The following LECT2 variants were observed in gnomAD, a reference collection of about 807,000 sequenced individuals.
The protein encoded by LECT2 is leukocyte cell-derived chemotaxin-2.
Under a neutral mutation model 16.6 loss-of-function variants are expected in LECT2, and 11 were observed. That is an observed-to-expected ratio of 0.66 (90% confidence interval 0.42 to 1.09). The LOEUF is 1.09. LECT2 is among the 50% of genes least tolerant of loss of function. The probability of loss-of-function intolerance (pLI) is 0.00; values close to 1 mark genes in which losing one functional copy is unlikely to be tolerated. For synonymous variants in LECT2, 54 were observed against 64.8 expected (o/e 0.83, Z 0.80); for missense variants, 173 against 184.2 (o/e 0.94, Z 0.35).
In LECT2 at chr5:135,950,927, G is replaced by GA. The variant is rs1442902168; in HGVS notation, c.289+295dup. On this transcript the variant is annotated intron_variant, in intron 3 of 3. Coordinates refer to ENST00000274507, the MANE Select transcript of LECT2 (RefSeq NM_002302.3). ...AAGTGCCTCAGCTGGGAGAGGATCA[G>GA]AAAAAAATATCTATCGGGTACTATG... 4.6e-4 allele frequency: 194 copies of GA among 421,314 alleles called. 1 individual carries two copies. The highest frequency in any genetic ancestry group is 2.8e-4 in the Non-Finnish European group (66 of 239,418). 26.1% of individuals were successfully genotyped at this position (421,314 alleles called of 1,614,324 possible).
chr5:135,949,025 TCTG>T (rs1438071244), intron 3 of LECT2, among the ~76,000 whole-genome samples: 1 of 152,192 alleles, frequency 6.6e-6, no homozygotes, highest in Non-Finnish European at 1.5e-5. Flanking sequence ...ATTGGATAGT[TCTG>T]CTGTAGAAGA....
chr5:135,950,885 T>C (rs1335898895), intron 3 of LECT2: 2 of 356,794 alleles, frequency 5.6e-6, no homozygotes, highest in Non-Finnish European at 1.0e-5. Context: ...TCAGAGAAAA[T>C]GGTGAAACGT....
At position 135,947,188 on chromosome 5, in the gene LECT2, GTAA is replaced by G; in HGVS notation, c.*140_*142del. 1.4e-6 allele frequency: 1 copy of G among 716,096 alleles called. No individual in the cohort carries two copies. The highest frequency in any genetic ancestry group is 1.9e-5 in the South Asian group (1 of 51,630). 44.4% of individuals were successfully genotyped at this position (716,096 alleles called of 1,614,324 possible). On this transcript the variant is annotated 3_prime_UTR_variant, in exon 4 of 4. Coordinates refer to ENST00000274507, the MANE Select transcript of LECT2 (RefSeq NM_002302.3). Reference sequence around the variant, plus strand: ...ATGTTTTGATACAGGCATGCAATGTGTAATAATCATGTCATGGAAAATGGGGTA... The same window carrying G: ...ATGTTTTGATACAGGCATGCAATGTGTAATCATGTCATGGAAAATGGGGTA...
At chr5:135,947,601 G>A in intron 3 of LECT2, 104 bp from the exon 4 acceptor site, 1 of 1,225,428 alleles carries the variant, frequency 8.2e-7, no homozygotes, top group Non-Finnish European at 1.1e-6. Context: ...AATGTTGAAT[G>A]AACTCAGGAG....
intron 3 of LECT2, among the ~76,000 whole-genome samples, chr5:135,948,357 A>T (rs1018940652): frequency 3.9e-5 from 6 of 152,174 alleles, no homozygotes; most frequent in Admixed American, 3.3e-4. Context: ...ACTTTGATAC[A>T]CTAGTGGCAC....
Position 135,947,129 on chromosome 5 carries a change from G to T in LECT2, c.*202C>A, listed in dbSNP as rs1009152547. The T allele has an allele frequency of 7.0e-6, 3 of 428,672 alleles. No individual in the cohort carries two copies. The South Asian group carries it at 2.2e-4, about 32-fold the overall frequency. The allele number at this position is 428,672 out of a possible 1,614,324, so 26.6% of individuals were successfully genotyped here. A position where few individuals can be genotyped will look rare whatever the true frequency, so the allele number is the denominator to read the frequency against. On this transcript the variant is annotated 3_prime_UTR_variant, in exon 4 of 4. Transcript: ENST00000274507. Reference sequence around the variant, plus strand: ...TTTTTTAATTAAAAAATTTTTGTGGGTACATAGGTGTATTTGTTTATGAGG... The same window carrying T: ...TTTTTTAATTAAAAAATTTTTGTGGTTACATAGGTGTATTTGTTTATGAGG...
intron 2 of LECT2, among the ~76,000 whole-genome samples, chr5:135,952,574 A>G (rs931283532): frequency 6.6e-6 from 1 of 152,214 alleles, no homozygotes; most frequent in South Asian, 2.1e-4. Flanking sequence ...AGTTGTGTTT[A>G]ATAACCCTTT....
At chr5:135,954,057 G>C (rs1056252134) in intron 1 of LECT2, among the ~76,000 whole-genome samples, 1 of 152,176 alleles carries the variant, frequency 6.6e-6, no homozygotes, top group East Asian at 1.9e-4. Flanking sequence ...TTCACAGAGA[G>C]ATACAGTGAG....
rs781392254 is a variant in LECT2 at position 135,952,951 on chromosome 5, C to T, written c.63G>A (p.Trp21Ter). The stretch of plus-strand genomic sequence containing the variant: ...AAGACTTGCCAGCACATATATTAGC[C>T]CATGGCCCTGCCAGTGCTAAAAAGG... ...GLISTALAGP[W>*]ANICAGKSSN... The change falls in exon 2 of 4, where the codon TGG (tryptophan) becomes TGA (stop). Residue 21 changes from tryptophan to a stop codon, truncating the protein, a stop_gained. Coordinates refer to ENST00000274507, the MANE Select transcript of LECT2 (RefSeq NM_002302.3). LOFTEE classifies it high-confidence loss of function. 16 of 1,613,434 alleles carry T rather than the reference C, an allele frequency of 9.9e-6. No individual in the cohort carries two copies. The South Asian group carries it at 1.8e-4, about 18-fold the overall frequency.
chr5:135,947,642 A>G, intron 3 of LECT2, 145 bp from the exon 4 acceptor site: 1 of 972,000 alleles, frequency 1.0e-6, no homozygotes, highest in Non-Finnish European at 1.4e-6. Flanking sequence ...AAATGATATT[A>G]AAAAGGAAGA....
Position 135,951,269 on chromosome 5 carries a change from A to G in LECT2, c.243T>C (p.Tyr81=). 1 of 1,614,156 alleles carries G rather than the reference A, an allele frequency of 6.2e-7. No individual in the cohort carries two copies. Among genetic ancestry groups the G allele is most frequent in the Non-Finnish European group, 8.5e-7 (1 of 1,180,010 alleles). The change falls in exon 3 of 4, where the codon TAT becomes TAC. Residue 81 remains tyrosine, a synonymous_variant. Transcript: ENST00000274507. ...TGMIVGQEKP[Y]QNKNAINNGV... ...CATTATTGATAGCATTCTTGTTTTG[A>G]TAAGGTTTCTCCTGGCCCACAATCA...
rs1295047807 is a variant in LECT2, at chr5:135,951,283, G to A, written c.229C>T (p.Gln77Ter). Reference protein sequence around the residue: ...YAPFTGMIVGQEKPYQNKNAI... With the variant: ...YAPFTGMIVG The stretch of plus-strand genomic sequence containing the variant: ...TTCTTGTTTTGATAAGGTTTCTCCT[G>A]GCCCACAATCATTCCAGTGAATGGT... The change falls in exon 3 of 4, where the codon CAG (glutamine) becomes TAG (stop). Residue 77 changes from glutamine (Q) to a stop codon, truncating the protein, a stop_gained. Transcript: ENST00000274507. LOFTEE classifies it high-confidence loss of function. The A allele has an allele frequency of 6.2e-7, 1 of 1,613,914 alleles. No homozygotes were observed. The highest frequency in any genetic ancestry group is 2.2e-5 in the East Asian group (1 of 44,890).
At chr5:135,948,701 G>A (rs975152559) in intron 3 of LECT2, among the ~76,000 whole-genome samples, 7 of 149,810 alleles carry the variant, frequency 4.7e-5, no homozygotes, top group Non-Finnish European at 8.9e-5. Context: ...TTGAGACGGA[G>A]TCTTGCTGTG....
intron 3 of LECT2, 125 bp from the exon 4 acceptor site, chr5:135,947,622 G>A (rs916474897): frequency 6.4e-5 from 69 of 1,077,442 alleles, no homozygotes; most frequent in Non-Finnish European, 8.0e-5. Context: ...AGGAATAGAT[G>A]AAAATGACAA....
chr5:135,949,938 G>C (rs1462658040), intron 3 of LECT2, among the ~76,000 whole-genome samples: 2 of 152,170 alleles, frequency 1.3e-5, no homozygotes, highest in African/African-American at 2.4e-5. Flanking sequence ...TACTGCTTCT[G>C]CTCTCACTGA....
At chr5:135,951,114 T>C (rs1763786790) in intron 3 of LECT2, 109 bp downstream of exon 3, 1 of 1,120,722 alleles carries the variant, frequency 8.9e-7, no homozygotes, top group Admixed American at 2.1e-5. Context: ...TGTTCCAGGT[T>C]TTATCATTTT....
At chr5:135,952,435 G>A (rs1437784649) in intron 2 of LECT2, among the ~76,000 whole-genome samples, 1 of 152,152 alleles carries the variant, frequency 6.6e-6, no homozygotes, top group African/African-American at 2.4e-5. Context: ...GCCAGTAACC[G>A]CGTGGTTTGG....
At chr5:135,954,578 A>AT (rs1177454432) in intron 1 of LECT2, among the ~76,000 whole-genome samples, 1 of 152,180 alleles carries the variant, frequency 6.6e-6, no homozygotes, top group Non-Finnish European at 1.5e-5. Context: ...ACCCACTATT[A>AT]TGTTTCCCTC....
intron 1 of LECT2, among the ~76,000 whole-genome samples, chr5:135,953,928 GCTGCTTTC>G (rs550167735): frequency 0.031 from 4,692 of 152,226 alleles, 251 homozygotes; most frequent in African/African-American, 0.11. Context: ...TGGAGGAGGG[GCTGCTTTC>G]TCAGCAGACT....
Sources: gnomAD v4.1 joint callset for allele counts (sites outside exome capture counted in the v4.1 genomes callset) on GRCh38, gnomAD v4.1.1 for gene constraint, MANE v1.5 for transcripts, NCBI Gene and HGNC (gene_info 2026-07-23, HGNC 2026-07-21) for gene names.